SYT12: variants seen among roughly 807,000 people sequenced by gnomAD.
SYT12 encodes synaptotagmin 12, also known as synaptotagmin-12.
SYT12 carries 27 observed loss-of-function variants against 39.5 expected under a neutral mutation model. The ratio of observed to expected loss-of-function variants is 0.68; its 90% confidence interval spans 0.50 to 0.94. The LOEUF (loss-of-function observed/expected upper bound fraction) is 0.94, where lower values mean the gene tolerates loss of function less well. Ranked by LOEUF, SYT12 falls within the 40% of genes least tolerant of loss-of-function variation. SYT12 has a pLI of 0.00. For synonymous variants in SYT12, 233 were observed against 239.7 expected (o/e 0.97, Z 0.26); for missense variants, 536 against 572.6 (o/e 0.94, Z 0.65).
intron 1 of SYT12, among the ~76,000 whole-genome samples, chr11:67,007,769 G>A (rs1257076423): frequency 6.6e-6 from 1 of 150,474 alleles, no homozygotes; most frequent in African/African-American, 2.4e-5. Context: ...TCCCTACATT[G>A]GCCAGCCTGG....
In SYT12 at chr11:67,043,670, T is replaced by A. The variant is rs146522678; in HGVS notation, c.654T>A (p.Asp218Glu). The change falls in exon 5 of 8, where the codon GAT (aspartate) becomes GAA (glutamate). Residue 218 changes from aspartate (D) to glutamate (E), a missense_variant. Transcript: ENST00000527043. ...IQRNAYSIFFDEKFSIPLDPT... is the reference protein window; with the variant it reads ...IQRNAYSIFFEEKFSIPLDPT... ...GAAATGCCTACTCCATCTTCTTTGA[T>A]GAGAAGTTCTCCATCCCCCTGGATC... 1.9e-5 allele frequency: 30 copies of A among 1,614,118 alleles called. No homozygotes were observed. Among genetic ancestry groups the A allele is most frequent in the Non-Finnish European group, 2.5e-5 (30 of 1,180,016 alleles).
chr11:67,034,417 T>A (rs1421026248), intron 2 of SYT12, among the ~76,000 whole-genome samples: 1 of 152,240 alleles, frequency 6.6e-6, no homozygotes, highest in Admixed American at 6.5e-5. Flanking sequence ...GCTCAGACTA[T>A]AAGTGTAATG....
intron 3 of SYT12, among the ~76,000 whole-genome samples, chr11:67,038,439 C>T (rs1487044325): frequency 6.6e-6 from 1 of 151,826 alleles, no homozygotes; most frequent in Non-Finnish European, 1.5e-5. Flanking sequence ...GCTGGTTTTA[C>T]AGGCATGAGC....
At chr11:67,023,776 C>CG (rs1170012522) in intron 1 of SYT12, among the ~76,000 whole-genome samples, 1 of 152,250 alleles carries the variant, frequency 6.6e-6, no homozygotes, top group East Asian at 1.9e-4. Context: ...TCGCATTCAG[C>CG]GCCCTGACTG....
At chr11:67,034,905 AGTCTTCAGCCCCT>A in intron 3 of SYT12, 67 bp downstream of exon 3, 1 of 1,311,712 alleles carries the variant, frequency 7.6e-7, no homozygotes. Flanking sequence ...CACTCAGATC[AGTCTTCAGCCCCT>A]CTCCCTCCGT....
intron 1 of SYT12, chr11:67,027,499 C>CAAAAAA: frequency 3.1e-5 from 1 of 32,166 alleles, no homozygotes; most frequent in Non-Finnish European, 7.1e-5. Context: ...GGCTCTGTCT[C>CAAAAAA]AAAAAAAAAA....
rs764847165 is a variant in SYT12 at position 67,023,188 on chromosome 11, T to C, written c.-296T>C. Among the ~76,000 whole-genome samples, 1 of 152,056 alleles carries C rather than the reference T, an allele frequency of 6.6e-6. No homozygotes were observed. The highest frequency in any genetic ancestry group is 2.4e-5 in the African/African-American group (1 of 41,440). On this transcript the variant is annotated 5_prime_UTR_variant, in exon 1 of 8. Transcript: ENST00000527043. Reference sequence around the variant, plus strand: ...CAGCGCTCGAGCTTGTCACTTTAAATTCAAGAGGGAGCGGGCGGGCAAGCG... The same window carrying C: ...CAGCGCTCGAGCTTGTCACTTTAAACTCAAGAGGGAGCGGGCGGGCAAGCG...
chr11:67,022,552 G>A (rs1002072884), upstream of SYT12, among the ~76,000 whole-genome samples: 1 of 152,252 alleles, frequency 6.6e-6, no homozygotes, highest in East Asian at 1.9e-4. Flanking sequence ...AGCCCCTGCG[G>A]GGGCGTCATA....
chr11:67,025,789 T>C (rs796224845), intron 1 of SYT12, among the ~76,000 whole-genome samples: 45 of 152,006 alleles, frequency 3.0e-4, no homozygotes, highest in African/African-American at 1.0e-3. Flanking sequence ...TGAGCCTCCC[T>C]CTCCTCCTCC....
intron 1 of SYT12, among the ~76,000 whole-genome samples, chr11:67,025,757 G>A (rs924102397): frequency 1.3e-5 from 2 of 152,106 alleles, no homozygotes; most frequent in African/African-American, 4.8e-5. Flanking sequence ...GGGTGACCTC[G>A]GGCCAATTCA....
At chr11:67,045,946 CCTTCT>C in intron 7 of SYT12, 69 bp downstream of exon 7, 1 of 1,593,774 alleles carries the variant, frequency 6.3e-7, no homozygotes, top group Non-Finnish European at 8.6e-7. Context: ...CATCTCTCCA[CCTTCT>C]CTTCTCAGGG....
At position 67,039,828 on chromosome 11, in the gene SYT12, T is replaced by C; in HGVS notation, c.246T>C (p.Asn82=). The change falls in exon 4 of 8, where the codon AAT becomes AAC. Residue 82 remains asparagine (N), a synonymous_variant. Transcript: ENST00000527043. ...ACCCCTAGAGAGTGCCTGCCTGGAATGCCCAGCGGGCCAGCACGCGGGGAC... is the reference window on the plus strand; with the variant it reads ...ACCCCTAGAGAGTGCCTGCCTGGAACGCCCAGCGGGCCAGCACGCGGGGAC... ...EAREKRVPAW[N]AQRASTRGPP... is the part of the protein sequence containing the mutation. 1 of 1,611,114 alleles carries C rather than the reference T, an allele frequency of 6.2e-7. No homozygotes were observed. Among genetic ancestry groups the C allele is most frequent in the Non-Finnish European group, 8.5e-7 (1 of 1,179,422 alleles).
At chr11:67,024,121 G>A (rs935850360) in intron 1 of SYT12, among the ~76,000 whole-genome samples, 1 of 152,142 alleles carries the variant, frequency 6.6e-6, no homozygotes, top group Admixed American at 6.5e-5. Context: ...CTGGCCTGTG[G>A]GTGGAAGGCC....
intron 3 of SYT12, among the ~76,000 whole-genome samples, chr11:67,016,787 C>T (rs1364868498): frequency 1.3e-5 from 2 of 152,060 alleles, no homozygotes; most frequent in Non-Finnish European, 2.9e-5. Context: ...CTTCACACTT[C>T]CCCCTAGAAG....
chr11:67,035,703 C>T (rs1404490625), intron 3 of SYT12, among the ~76,000 whole-genome samples: 17 of 151,818 alleles, frequency 1.1e-4, no homozygotes, highest in African/African-American at 3.1e-4. Context: ...GTGATCCGCC[C>T]GCCTTGGCCT....
chr11:67,027,567 C>T (rs1250413173), intron 1 of SYT12: 1 of 151,222 alleles, frequency 6.6e-6, no homozygotes, highest in Non-Finnish European at 1.5e-5. Flanking sequence ...GTCATTCACA[C>T]CCTCACTGAA....
intron 4 of SYT12, among the ~76,000 whole-genome samples, chr11:67,041,551 G>A (rs1950511825): frequency 1.3e-5 from 2 of 152,200 alleles, no homozygotes; most frequent in South Asian, 4.1e-4. Context: ...GTGTGGGGCA[G>A]CCTCAGGGAT....
Position 67,030,196 on chromosome 11 carries a change from AC to A in SYT12, c.34+22del. ...TCTGAGCGGTGAGTGCCCAGGGCAA[AC>A]CCCTCCTGGATCACGCCTGCGAGAC... On this transcript the variant is annotated intron_variant, in intron 2 of 7. Transcript: ENST00000527043. The A allele has an allele frequency of 6.2e-7, 1 of 1,613,816 alleles. No homozygotes were observed. The highest frequency in any genetic ancestry group is 8.5e-7 in the Non-Finnish European group (1 of 1,179,950).
rs1854515569 is a variant in SYT12 at position 67,045,582 on chromosome 11, T to A, written c.959-162T>A. 3.8e-6 allele frequency: 4 copies of A among 1,047,710 alleles called. No individual in the cohort carries two copies. In the East Asian group the frequency reaches 1.1e-4, roughly 28 times the overall value. The allele number at this position is 1,047,710 out of a possible 1,614,324, so 64.9% of individuals were successfully genotyped here. A position where few individuals can be genotyped will look rare whatever the true frequency, so the allele number is the denominator to read the frequency against. On this transcript the variant is annotated intron_variant, in intron 6 of 7. Coordinates refer to ENST00000527043, the MANE Select transcript of SYT12 (RefSeq NM_177963.4). ...TGCTGTGTGAGCCTCAGTTTTCTCA[T>A]CTGTGAAATGGGAAAAATAATAAAG...
Sources: allele counts gnomAD v4.1 joint callset (sites outside exome capture counted in the v4.1 genomes callset), GRCh38; gene constraint gnomAD v4.1.1; transcripts MANE v1.5; gene names NCBI Gene and HGNC (gene_info 2026-07-23, HGNC 2026-07-21).